The following ZNF26 variants were observed in gnomAD, a reference collection of about 807,000 sequenced individuals.
ZNF26 encodes zinc finger protein 26.
Under a neutral mutation model 54.9 loss-of-function variants are expected in ZNF26, and 32 were observed. That is an observed-to-expected ratio of 0.58 (90% CI 0.44 to 0.78). ZNF26 has a LOEUF of 0.78. ZNF26 is among the 30% of genes least tolerant of loss of function. The pLI is 0.00. For synonymous variants in ZNF26, 221 were observed against 209.2 expected (o/e 1.06, Z -0.49); for missense variants, 524 against 634.0 (o/e 0.83, Z 1.86).
In ZNF26 at chr12:133,001,885, T is replaced by A. The variant is rs376160228; in HGVS notation, c.34-5157T>A. ...TTGTTTACTTAAATTCTTAAGTACA[T>A]GTCAGTTCCTTCTGAAAATTACCCA... On this transcript the variant is annotated intron_variant, in intron 1 of 3. Coordinates refer to ENST00000328654, the MANE Select transcript of ZNF26 (RefSeq NM_019591.4). This position sits in a 1 kb window ranked among gnomAD's most constrained non-coding sequence, Gnocchi z 4.7. 1.7e-4 allele frequency among the ~76,000 whole-genome samples: 26 copies of A among 152,192 alleles called. No individual in the cohort carries two copies. Among genetic ancestry groups the A allele is most frequent in the Non-Finnish European group, 3.2e-4 (22 of 68,034 alleles).
chr12:133,010,430 G>A lies in ZNF26; in HGVS notation c.551G>A (p.Arg184His), dbSNP rs115196721. 82 of 1,614,140 alleles carry A rather than the reference G, an allele frequency of 5.1e-5. No individual in the cohort carries two copies. The East Asian group carries it at 1.1e-3, about 22-fold the overall frequency. The change falls in exon 4 of 4, where the codon CGT (arginine) becomes CAT (histidine). Residue 184 changes from arginine (R) to histidine (H), a missense_variant. Coordinates refer to ENST00000328654, the MANE Select transcript of ZNF26 (RefSeq NM_019591.4). The stretch of plus-strand genomic sequence containing the variant: ...TGTAGTGAATGTGGGAAAGCTTTTC[G>A]TTGTAAGTCACAGCTCATTGTACAT... The part of the protein sequence containing the change: ...CVCSECGKAF[R>H]CKSQLIVHLR...
chr12:133,002,870 C>T (rs1279760093), intron 1 of ZNF26, among the ~76,000 whole-genome samples: 3 of 152,034 alleles, frequency 2.0e-5, no homozygotes, highest in Non-Finnish European at 2.9e-5. Flanking sequence ...GTGATCCACC[C>T]GCCTTGGCCT....
intron 1 of ZNF26, among the ~76,000 whole-genome samples, chr12:132,999,461 TAGTC>T: frequency 1.3e-5 from 2 of 152,242 alleles, no homozygotes; most frequent in East Asian, 3.9e-4. Context: ...TTCACTGTGT[TAGTC>T]AGGATGGTCT....
intron 1 of ZNF26, among the ~76,000 whole-genome samples, chr12:132,994,918 G>T (rs1265816239): frequency 6.6e-6 from 1 of 152,092 alleles, no homozygotes; most frequent in Non-Finnish European, 1.5e-5. Context: ...TTATGTAGGT[G>T]CCAGTAGCAC....
chr12:132,986,742 C>G lies in ZNF26; in HGVS notation c.-99C>G. ...CCGGGACGGTCAGGAGCCTGGGGCC[C>G]TGGTCCCGCACCTGTCTTCGGGCGG... On this transcript the variant is annotated 5_prime_UTR_variant, in exon 1 of 4. Transcript: ENST00000328654. 3 of 1,374,414 alleles carry G rather than the reference C, an allele frequency of 2.2e-6. No homozygotes were observed. Among genetic ancestry groups the G allele is most frequent in the Non-Finnish European group, 3.0e-6 (3 of 1,000,030 alleles). The allele number at this position is 1,374,414 out of a possible 1,614,324, so 85.1% of individuals were successfully genotyped here.
At chr12:132,987,047 G>A (rs993510872) in intron 1 of ZNF26, among the ~76,000 whole-genome samples, 174 bp downstream of exon 1, 3 of 152,230 alleles carry the variant, frequency 2.0e-5, no homozygotes, top group South Asian at 2.1e-4. Context: ...CCAAGCTCTG[G>A]CCCTGCAGAA....
intron 1 of ZNF26, chr12:133,006,399 A>G: frequency 1.6e-6 from 1 of 607,686 alleles, no homozygotes; most frequent in Non-Finnish European, 2.1e-6. Flanking sequence ...GGCTCTCTTC[A>G]TTTCTGTACA....
Position 133,001,970 on chromosome 12 carries a change from C to G in ZNF26, c.34-5072C>G, listed in dbSNP as rs1953227701. On this transcript the variant is annotated intron_variant, in intron 1 of 3. Transcript: ENST00000328654. The surrounding 1 kb of genome is among the most constrained non-coding windows in gnomAD (Gnocchi z 4.7). ...TTGTGTGTGGGGCACTTGCACAGTC[C>G]CCTTTTCTTAGAGCCCCTCCTGTTT... 6.6e-6 allele frequency among the ~76,000 whole-genome samples: 1 copy of G among 152,072 alleles called. No individual in the cohort carries two copies.
Position 133,003,456 on chromosome 12 carries a change from G to A in ZNF26, c.34-3586G>A, listed in dbSNP as rs368778936. Among the ~76,000 whole-genome samples, 53 of 151,924 alleles carry A rather than the reference G, an allele frequency of 3.5e-4. No individual in the cohort carries two copies. In the East Asian group the frequency reaches 8.6e-3, roughly 25 times the overall value. ...TTTTTAGTAGAGACGGGGTTTCACCGTGTTAGCCAGGATGGTCTCGATCTC... is the reference window on the plus strand; with the variant it reads ...TTTTTAGTAGAGACGGGGTTTCACCATGTTAGCCAGGATGGTCTCGATCTC... On this transcript the variant is annotated intron_variant, in intron 1 of 3. Transcript: ENST00000328654.
intron 1 of ZNF26, among the ~76,000 whole-genome samples, chr12:132,998,716 A>G (rs952349758): frequency 2.0e-5 from 3 of 152,220 alleles, no homozygotes; most frequent in Non-Finnish European, 4.4e-5. Context: ...TATCAGCTCT[A>G]TAAATCCAAC....
rs373055778 is a variant in ZNF26, at chr12:133,013,811, T to C, written c.*2330T>C. 7,963 of 155,024 alleles carry C rather than the reference T, an allele frequency of 0.051. 695 individuals are homozygous for C. The highest frequency in any genetic ancestry group is 0.18 in the African/African-American group (7,535 of 41,538). 9.6% of individuals were successfully genotyped at this position (155,024 alleles called of 1,614,324 possible). A position where few individuals can be genotyped will look rare whatever the true frequency, so the allele number is the denominator to read the frequency against. On this transcript the variant is annotated 3_prime_UTR_variant, in exon 4 of 4. Coordinates refer to ENST00000328654, the MANE Select transcript of ZNF26 (RefSeq NM_019591.4). Reference sequence around the variant, plus strand: ...GACTCAGCCTAGCAAACTCTTCTGATAGACTTTGCACTGCAGATGCTTCAT... The same window carrying C: ...GACTCAGCCTAGCAAACTCTTCTGACAGACTTTGCACTGCAGATGCTTCAT...
intron 1 of ZNF26, chr12:133,005,718 A>C (rs1953310658): frequency 6.6e-6 from 1 of 152,224 alleles, no homozygotes; most frequent in African/African-American, 2.4e-5. Context: ...GGATAGGAAG[A>C]GAGACCTGAG....
chr12:133,010,132 G>A lies in ZNF26; in HGVS notation c.257-4G>A. 6.4e-7 allele frequency: 1 copy of A among 1,573,994 alleles called. No homozygotes were observed. Among genetic ancestry groups the A allele is most frequent in the Non-Finnish European group, 8.6e-7 (1 of 1,167,116 alleles). On this transcript the variant is annotated splice_polypyrimidine_tract_variant and splice_region_variant and intron_variant, in intron 3 of 3. Coordinates refer to ENST00000328654, the MANE Select transcript of ZNF26 (RefSeq NM_019591.4). ...AAAGTTATATTTTGTTTGTTTTTTT[G>A]TAGATGGCTGGGAAGAATGGTACCA... is the stretch of plus-strand genomic sequence containing the variant.
chr12:132,990,476 A>G (rs1489423118), intron 1 of ZNF26, among the ~76,000 whole-genome samples: 1 of 152,068 alleles, frequency 6.6e-6, no homozygotes, highest in Non-Finnish European at 1.5e-5. Flanking sequence ...GGATTTTTGT[A>G]TCTATATTTA....
intron 2 of ZNF26, 111 bp from the exon 3 acceptor site, chr12:133,007,326 T>C: frequency 1.5e-6 from 2 of 1,308,594 alleles, no homozygotes; most frequent in South Asian, 2.7e-5. Flanking sequence ...CCACACTTCC[T>C]AATTGTAATC....
chr12:133,010,220 T>C lies in ZNF26; in HGVS notation c.341T>C (p.Leu114Pro). 1 of 1,614,110 alleles carries C rather than the reference T, an allele frequency of 6.2e-7. No homozygotes were observed. Among genetic ancestry groups the C allele is most frequent in the Non-Finnish European group, 8.5e-7 (1 of 1,180,024 alleles). The change falls in exon 4 of 4, where the codon CTT (leucine) becomes CCT (proline). Residue 114 changes from leucine to proline, a missense_variant. Transcript: ENST00000328654. ...TATGCTTGTAGTGTGTTGGGAAGAC[T>C]TAATCTGAGCAAAACCCATGATTCT... ...RSYACSVLGRLNLSKTHDSSR... is the reference protein window; with the variant it reads ...RSYACSVLGRPNLSKTHDSSR...
intron 1 of ZNF26, chr12:133,005,357 C>G (rs1045938897): frequency 6.6e-6 from 1 of 152,200 alleles, no homozygotes; most frequent in Non-Finnish European, 1.5e-5. Flanking sequence ...TGCCCACCCC[C>G]ACGCCTGGCT....
At position 133,020,836 on chromosome 12, in the gene ZNF26, C is replaced by T. The variant is rs1953630301; in HGVS notation, c.*9355C>T. The T allele has an allele frequency of 6.6e-6, 1 of 152,204 alleles. No individual in the cohort carries two copies. Among genetic ancestry groups the T allele is most frequent in the Non-Finnish European group, 1.5e-5 (1 of 68,042 alleles). The allele number at this position is 152,204 out of a possible 1,614,324, so 9.4% of individuals were successfully genotyped here. On this transcript the variant is annotated 3_prime_UTR_variant, in exon 4 of 4. Transcript: ENST00000328654. ...TCCTTGGCTTGTAGATGGCTGTCTT[C>T]TCACTGTCTCATCACATAATCTCCC... is the stretch of plus-strand genomic sequence containing the variant.
chr12:133,019,203 G>A lies in ZNF26; in HGVS notation c.*7722G>A, dbSNP rs1953607065. 6.6e-6 allele frequency: 1 copy of A among 152,154 alleles called. No individual in the cohort carries two copies. The highest frequency in any genetic ancestry group is 1.9e-4 in the East Asian group (1 of 5,194). 9.4% of individuals were successfully genotyped at this position (152,154 alleles called of 1,614,324 possible). A position where few individuals can be genotyped will look rare whatever the true frequency, so the allele number is the denominator to read the frequency against. On this transcript the variant is annotated 3_prime_UTR_variant, in exon 4 of 4. Coordinates refer to ENST00000328654, the MANE Select transcript of ZNF26 (RefSeq NM_019591.4). ...AAATAGACAATTGGGATTACATCAAGCTGGGAAGCTTCCATACTGCCGAGG... is the reference window on the plus strand; with the variant it reads ...AAATAGACAATTGGGATTACATCAAACTGGGAAGCTTCCATACTGCCGAGG...
Sources: gnomAD v4.1 joint callset for allele counts (sites outside exome capture counted in the v4.1 genomes callset) on GRCh38, gnomAD v4.1.1 for gene constraint, Gnocchi (gnomAD v3.1) non-coding constraint, MANE v1.5 for transcripts, NCBI Gene and HGNC (gene_info 2026-07-23, HGNC 2026-07-21) for gene names.